KCNK2: variants seen among roughly 807,000 people sequenced by gnomAD.
The protein encoded by KCNK2 is potassium channel subfamily K member 2.
A neutral mutation model predicts 40.5 loss-of-function variants in KCNK2; 21 were observed. That is an observed-to-expected ratio of 0.52 (90% CI 0.37 to 0.75). The LOEUF (loss-of-function observed/expected upper bound fraction) is 0.75. KCNK2 is among the 30% of genes least tolerant of loss of function. KCNK2 has a pLI of 0.00. For synonymous variants in KCNK2, 191 were observed against 202.2 expected (o/e 0.94, Z 0.47); for missense variants, 399 against 531.6 (o/e 0.75, Z 2.45).
intron 1 of KCNK2, among the ~76,000 whole-genome samples, chr1:215,063,853 A>G (rs1012583046): frequency 1.3e-5 from 2 of 152,226 alleles, no homozygotes; most frequent in Non-Finnish European, 2.9e-5. Flanking sequence ...GAAAGAAAGC[A>G]AAGAAACAGA....
chr1:215,193,351 T>G (rs1664742777), intron 5 of KCNK2, among the ~76,000 whole-genome samples: 1 of 152,154 alleles, frequency 6.6e-6, no homozygotes, highest in Admixed American at 6.6e-5. Flanking sequence ...TGCCCTGTTC[T>G]ATTAAGTGTT....
chr1:215,223,810 G>T (rs1199470496), intron 6 of KCNK2, among the ~76,000 whole-genome samples: 4 of 151,938 alleles, frequency 2.6e-5, no homozygotes, highest in Non-Finnish European at 5.9e-5. Context: ...TTCATGACCA[G>T]AAATCAAAAT....
intron 1 of KCNK2, among the ~76,000 whole-genome samples, chr1:215,038,280 A>G (rs543736794): frequency 1.1e-4 from 16 of 152,022 alleles, no homozygotes; most frequent in Non-Finnish European, 2.1e-4. Context: ...GGGCTCATCA[A>G]TATTGTCCTC....
At chr1:215,041,786 G>A (rs1190268669) in intron 1 of KCNK2, among the ~76,000 whole-genome samples, 1 of 152,156 alleles carries the variant, frequency 6.6e-6, no homozygotes, top group Non-Finnish European at 1.5e-5. Context: ...GGCACAGCCT[G>A]TTAAACATCA....
rs1656202133 is a variant in KCNK2 at position 215,007,185 on chromosome 1, G to GATATA, written c.34+1230_34+1231insATATA. On this transcript the variant is annotated intron_variant, in intron 1 of 6. Transcript: ENST00000391895. ...TGTATATATATATGTATGTGTGTGG[G>GATATA]TATATATATATATATATATATATAT... 3.5e-4 allele frequency among the ~76,000 whole-genome samples: 11 copies of GATATA among 31,028 alleles called. 1 individual carries two copies. Among genetic ancestry groups the GATATA allele is most frequent in the African/African-American group, 6.1e-4 (5 of 8,166 alleles). The allele number at this position is 31,028 out of a possible 152,430, so 20.4% of individuals were successfully genotyped here. A position where few individuals can be genotyped will look rare whatever the true frequency, so the allele number is the denominator to read the frequency against.
rs183038187 is a variant in KCNK2 at position 215,130,420 on chromosome 1, A to G, written c.475+5670A>G. Among the ~76,000 whole-genome samples the G allele has an allele frequency of 1.9e-3, 297 of 152,338 alleles. 5 individuals carry two copies. Among genetic ancestry groups the G allele is most frequent in the Non-Finnish European group, 1.3e-3 (90 of 68,032 alleles). On this transcript the variant is annotated intron_variant, in intron 3 of 6. Transcript: ENST00000444842. Reference sequence around the variant, plus strand: ...TTATGATAGACAGCATTAGTAAGGAAAATGCTTTCCAGAGTTCTGTGAATC... The same window carrying G: ...TTATGATAGACAGCATTAGTAAGGAGAATGCTTTCCAGAGTTCTGTGAATC...
chr1:215,122,929 A>C (rs1661256504), intron 2 of KCNK2, among the ~76,000 whole-genome samples: 2 of 151,690 alleles, frequency 1.3e-5, no homozygotes. Context: ...TATTTTTAGT[A>C]GAGATGGGGT....
intron 6 of KCNK2, among the ~76,000 whole-genome samples, chr1:215,229,367 A>G (rs1405193079): frequency 3.3e-5 from 5 of 152,082 alleles, no homozygotes; most frequent in Non-Finnish European, 5.9e-5. Flanking sequence ...GAAAGGGTAC[A>G]ACAAAGAGGG....
Position 215,083,231 on chromosome 1 carries a change from C to A in KCNK2, c.-155C>A. Reference sequence around the variant, plus strand: ...CCCCTCCCGCGTCCAGCCCCGCTCTCCCCACCTTGTAAAACAAAGCCGGGG... The same window carrying A: ...CCCCTCCCGCGTCCAGCCCCGCTCTACCCACCTTGTAAAACAAAGCCGGGG... On this transcript the variant is annotated 5_prime_UTR_variant, in exon 1 of 7. Transcript: ENST00000444842. The A allele has an allele frequency of 7.5e-7, 1 of 1,334,684 alleles. No individual in the cohort carries two copies. Among genetic ancestry groups the A allele is most frequent in the Non-Finnish European group, 1.0e-6 (1 of 966,316 alleles). The allele number at this position is 1,334,684 out of a possible 1,614,324, so 82.7% of individuals were successfully genotyped here. A position where few individuals can be genotyped will look rare whatever the true frequency, so the allele number is the denominator to read the frequency against.
intron 3 of KCNK2, among the ~76,000 whole-genome samples, chr1:215,135,372 A>G (rs6672673): frequency 6.6e-6 from 1 of 152,150 alleles, no homozygotes; most frequent in Non-Finnish European, 1.5e-5. Flanking sequence ...ATGAGGCTGC[A>G]TATATGAAAA....
chr1:215,145,931 T>C (rs1200868412), intron 3 of KCNK2, among the ~76,000 whole-genome samples: 1 of 152,164 alleles, frequency 6.6e-6, no homozygotes. Context: ...ATCATCAGTA[T>C]TTAAATAACA....
At chr1:215,111,200 T>A (rs1660669404) in intron 2 of KCNK2, among the ~76,000 whole-genome samples, 1 of 152,108 alleles carries the variant, frequency 6.6e-6, no homozygotes, top group Non-Finnish European at 1.5e-5. Context: ...CTTTTCTGAT[T>A]TGGATGTCTT....
At chr1:215,115,159 C>T (rs1355107339) in intron 2 of KCNK2, among the ~76,000 whole-genome samples, 1 of 151,936 alleles carries the variant, frequency 6.6e-6, no homozygotes, top group African/African-American at 2.4e-5. Context: ...AAAAATATTG[C>T]CTTTCTGTGG....
chr1:215,232,673 T>G (rs1666717166), intron 6 of KCNK2, among the ~76,000 whole-genome samples: 1 of 152,204 alleles, frequency 6.6e-6, no homozygotes, highest in Non-Finnish European at 1.5e-5. Flanking sequence ...GCACAAAGCC[T>G]ATTACTTTTA....
chr1:215,157,058 A>C (rs942972330), intron 3 of KCNK2, among the ~76,000 whole-genome samples: 14 of 152,006 alleles, frequency 9.2e-5, no homozygotes, highest in Admixed American at 7.2e-4. Context: ...TCTCAAAAAA[A>C]CCCCAGAAAT....
intron 1 of KCNK2, among the ~76,000 whole-genome samples, chr1:215,085,990 A>G (rs1659415843): frequency 6.6e-6 from 1 of 152,244 alleles, no homozygotes; most frequent in African/African-American, 2.4e-5. Flanking sequence ...GTATTCAAAT[A>G]TCTAGTTAAG....
intron 1 of KCNK2, among the ~76,000 whole-genome samples, chr1:215,025,523 T>C (rs1011166733): frequency 2.0e-5 from 3 of 152,130 alleles, no homozygotes; most frequent in African/African-American, 7.2e-5. Context: ...TGGACTAATA[T>C]GTATTATTCT....
At chr1:215,114,709 C>T (rs1166997994) in intron 2 of KCNK2, among the ~76,000 whole-genome samples, 1 of 152,122 alleles carries the variant, frequency 6.6e-6, no homozygotes, top group African/African-American at 2.4e-5. Context: ...TGCAAGACTT[C>T]CTTTTCTCTG....
At chr1:215,074,303 G>T (rs1224342862) in intron 1 of KCNK2, among the ~76,000 whole-genome samples, 2 of 152,148 alleles carry the variant, frequency 1.3e-5, no homozygotes, top group East Asian at 1.9e-4. Context: ...ATGCAAAAAG[G>T]TAAAAGGGAG....
Sources: gnomAD v4.1 joint callset for allele counts (sites outside exome capture counted in the v4.1 genomes callset) on GRCh38, gnomAD v4.1.1 for gene constraint, MANE v1.5 for transcripts, NCBI Gene and HGNC (gene_info 2026-07-23, HGNC 2026-07-21) for gene names.